The following TNPO2 variants were observed in gnomAD, a reference collection of about 807,000 sequenced individuals.
TNPO2 encodes the protein transportin 2, also known as transportin-2.
Under a neutral mutation model 111.1 loss-of-function variants are expected in TNPO2, and 16 were observed. The ratio of observed to expected loss-of-function variants is 0.14; its 90% CI spans 0.10 to 0.22. The LOEUF (loss-of-function observed/expected upper bound fraction) is 0.22, where lower values mean the gene tolerates loss of function less well. TNPO2 is among the 10% of genes least tolerant of loss of function. The pLI, the probability that TNPO2 is intolerant of heterozygous loss-of-function variation, is 1.00. For missense variants in TNPO2, 530 were observed against 1,173.7 expected, an observed-to-expected ratio of 0.45 and a Z score of 8.01; for synonymous variants, 481 against 475.8, an observed-to-expected ratio of 1.01 and a Z score of -0.14.
chr19:12,706,196 C>T lies in TNPO2; in HGVS notation c.1668G>A (p.Pro556=). The T allele has an allele frequency of 6.2e-7, 1 of 1,612,798 alleles. No homozygotes were observed. The highest frequency in any genetic ancestry group is 8.5e-7 in the Non-Finnish European group (1 of 1,179,558). The change falls in exon 15 of 26, where the codon CCG becomes CCA. Residue 556 remains proline, a splice_region_variant and synonymous_variant. Coordinates refer to ENST00000425528, the MANE Select transcript of TNPO2 (RefSeq NM_001382241.1). The surrounding 1 kb of genome is among the most constrained non-coding windows in gnomAD (Gnocchi z 7.0). ...GGCGGGAGCCGCTCTGGGGTCTCAC[C>T]GGCTGGTTGAGGTGGTGGCCTACAG... ...ADSVGHHLNQ[P]EYIQKLMPPL... is the part of the protein sequence containing the mutation.
intron 3 of TNPO2, 27 bp downstream of exon 3, chr19:12,720,852 C>T (rs751019673): frequency 1.8e-5 from 28 of 1,566,754 alleles, no homozygotes; most frequent in Non-Finnish European, 2.3e-5. Context: ...ACCCGGCTCC[C>T]CCAGCCCCGG....
intron 13 of TNPO2, among the ~76,000 whole-genome samples, chr19:12,707,309 G>A (rs1365355321): frequency 2.0e-5 from 3 of 151,976 alleles, no homozygotes; most frequent in Admixed American, 1.3e-4. Flanking sequence ...AGAGCTCCGT[G>A]TTATTGCGTT....
chr19:12,706,012 C>T lies in TNPO2; in HGVS notation c.1668+184G>A, dbSNP rs1005682447. ...GGTTCCCGAAGCACAGCACTTACCA[C>T]GCTGTCTCATAACTGTCTTTCTCCC... On this transcript the variant is annotated intron_variant, in intron 15 of 25. Coordinates refer to ENST00000425528, the MANE Select transcript of TNPO2 (RefSeq NM_001382241.1). The surrounding 1 kb of genome is among the most constrained non-coding windows in gnomAD (Gnocchi z 7.0). 4.1e-6 allele frequency: 3 copies of T among 730,810 alleles called. No homozygotes were observed. Among genetic ancestry groups the T allele is most frequent in the African/African-American group, 1.8e-5 (1 of 56,140 alleles). 45.3% of individuals were successfully genotyped at this position (730,810 alleles called of 1,614,324 possible).
rs1274605339 is a variant in TNPO2 at position 12,719,402 on chromosome 19, C to T, written c.100-66G>A. On this transcript the variant is annotated intron_variant, in intron 3 of 25. Transcript: ENST00000425528. This position sits in a 1 kb window ranked among gnomAD's most constrained non-coding sequence, Gnocchi z 5.0. The stretch of plus-strand genomic sequence containing the variant: ...CCCAGCCAGGTCCCCTCATTATGTA[C>T]CTGACACTATCTCTGACCACTGGGA... 2.2e-6 allele frequency: 3 copies of T among 1,388,950 alleles called. No individual in the cohort carries two copies. Among genetic ancestry groups the T allele is most frequent in the African/African-American group, 1.4e-5 (1 of 70,024 alleles). 86.0% of individuals were successfully genotyped at this position (1,388,950 alleles called of 1,614,324 possible).
In TNPO2 at chr19:12,705,835, T is replaced by G; in HGVS notation, c.1669-67A>C. On this transcript the variant is annotated intron_variant, in intron 15 of 25. Transcript: ENST00000425528. This position sits in a 1 kb window ranked among gnomAD's most constrained non-coding sequence, Gnocchi z 7.2. ...GGCAGACTGTGACTCAGGTACCTGT[T>G]GCCCGAGTGATGAGGCCTGAGCGCC... The G allele has an allele frequency of 8.4e-7, 1 of 1,183,790 alleles. No homozygotes were observed. The highest frequency in any genetic ancestry group is 1.2e-6 in the Non-Finnish European group (1 of 858,588). The allele number at this position is 1,183,790 out of a possible 1,614,324, so 73.3% of individuals were successfully genotyped here. A position where few individuals can be genotyped will look rare whatever the true frequency, so the allele number is the denominator to read the frequency against.
At chr19:12,707,638 G>A (rs1460815665) in intron 13 of TNPO2, among the ~76,000 whole-genome samples, 2 of 150,834 alleles carry the variant, frequency 1.3e-5, no homozygotes, top group East Asian at 2.0e-4. Context: ...GCAGGCGCCC[G>A]CCACCATACC....
chr19:12,723,886 C>T lies in TNPO2; in HGVS notation c.-248G>A, dbSNP rs1034091471. On this transcript the variant is annotated 5_prime_UTR_variant, in exon 1 of 26. The change creates a new upstream start codon in the 5' untranslated region. Coordinates refer to ENST00000425528, the MANE Select transcript of TNPO2 (RefSeq NM_001382241.1). Reference sequence around the variant, plus strand: ...TCCACTCGGAGAATCGCGGAAGACACCCTAAAGGAGCAGTTGGGATTCCGA... The same window carrying T: ...TCCACTCGGAGAATCGCGGAAGACATCCTAAAGGAGCAGTTGGGATTCCGA... 1 of 152,204 alleles carries T rather than the reference C, an allele frequency of 6.6e-6. No homozygotes were observed. The highest frequency in any genetic ancestry group is 2.1e-4 in the South Asian group (1 of 4,834). 9.4% of individuals were successfully genotyped at this position (152,204 alleles called of 1,614,324 possible).
rs1324641253 is a variant in TNPO2 at position 12,702,958 on chromosome 19, C to T, written c.2210-40G>A. On this transcript the variant is annotated intron_variant, in intron 20 of 25. Coordinates refer to ENST00000425528, the MANE Select transcript of TNPO2 (RefSeq NM_001382241.1). This position sits in a 1 kb window ranked among gnomAD's most constrained non-coding sequence, Gnocchi z 5.5. Reference sequence around the variant, plus strand: ...AGTCAGAGCCCTGCACAGCCCCCGCCACCCACAGGGGCCAGGGGGCCGCCC... The same window carrying T: ...AGTCAGAGCCCTGCACAGCCCCCGCTACCCACAGGGGCCAGGGGGCCGCCC... The T allele has an allele frequency of 1.9e-6, 3 of 1,586,694 alleles. No individual in the cohort carries two copies. Among genetic ancestry groups the T allele is most frequent in the Admixed American group, 3.4e-5 (2 of 59,606 alleles).
intron 3 of TNPO2, among the ~76,000 whole-genome samples, chr19:12,720,046 T>A (rs2026588331): frequency 6.6e-6 from 1 of 151,990 alleles, no homozygotes; most frequent in Non-Finnish European, 1.5e-5. Context: ...AGACAGAGTC[T>A]CACTCTGTCA....
At position 12,705,532 on chromosome 19, in the gene TNPO2, C is replaced by T; in HGVS notation, c.1823G>A (p.Arg608His). The T allele has an allele frequency of 6.2e-7, 1 of 1,604,214 alleles. No individual in the cohort carries two copies. Among genetic ancestry groups the T allele is most frequent in the South Asian group, 1.1e-5 (1 of 88,906 alleles). ...FLPYCEPVYQ[R>H]CVTLVQKTLA... ...TGTCTTCTGCACCAGGGTGACACAG[C>T]GCTGGTAGACGGGCTCACAGTAAGG... Residue 608 changes from arginine to histidine, a missense_variant, in exon 17 of 26, where the codon CGC becomes CAC. Coordinates refer to ENST00000425528, the MANE Select transcript of TNPO2 (RefSeq NM_001382241.1). This position sits in a 1 kb window ranked among gnomAD's most constrained non-coding sequence, Gnocchi z 7.2.
Position 12,719,478 on chromosome 19 carries a change from C to CA in TNPO2, c.100-143dup. 1 of 714,532 alleles carries CA rather than the reference C, an allele frequency of 1.4e-6. No individual in the cohort carries two copies. 44.3% of individuals were successfully genotyped at this position (714,532 alleles called of 1,614,324 possible). ...CCGCTCCCTAATAAGCCCACAATGA[C>CA]ACAGAGCACCTCAGACACGTCAAAT... On this transcript the variant is annotated intron_variant, in intron 3 of 25. Transcript: ENST00000425528. The surrounding 1 kb of genome is among the most constrained non-coding windows in gnomAD (Gnocchi z 5.0).
chr19:12,711,262 C>T, intron 12 of TNPO2, 34 bp downstream of exon 12: 1 of 1,603,176 alleles, frequency 6.2e-7, no homozygotes. Flanking sequence ...CAGGGCTTGC[C>T]ACCCCACCAC....
intron 5 of TNPO2, among the ~76,000 whole-genome samples, chr19:12,717,540 G>C (rs1000007871): frequency 6.6e-6 from 1 of 151,814 alleles, no homozygotes; most frequent in Non-Finnish European, 1.5e-5. Flanking sequence ...CCAAGGTGCT[G>C]GGATTAGAGG....
rs2025371131 is a variant in TNPO2 at position 12,702,392 on chromosome 19, T to TG, written c.2306-216_2306-215insC. On this transcript the variant is annotated intron_variant, in intron 21 of 25. Transcript: ENST00000425528. This position sits in a 1 kb window ranked among gnomAD's most constrained non-coding sequence, Gnocchi z 5.5. Reference sequence around the variant, plus strand: ...TTCCTTTCCCTTTCCTTTTTGTTTTTTTTTGTTTTGTTTTGTTTTTGAGAT... The same window carrying TG: ...TTCCTTTCCCTTTCCTTTTTGTTTTTGTTTTGTTTTGTTTTGTTTTTGAGAT... 1.5e-6 allele frequency: 1 copy of TG among 684,798 alleles called. No homozygotes were observed. The highest frequency in any genetic ancestry group is 1.8e-5 in the African/African-American group (1 of 56,172). The allele number at this position is 684,798 out of a possible 1,614,324, so 42.4% of individuals were successfully genotyped here.
intron 5 of TNPO2, among the ~76,000 whole-genome samples, chr19:12,717,331 G>A (rs534395840): frequency 2.0e-5 from 3 of 148,714 alleles, no homozygotes; most frequent in African/African-American, 7.6e-5. Context: ...GAGTGCAGTG[G>A]CACAATCTTG....
At position 12,706,483 on chromosome 19, in the gene TNPO2, T is replaced by A; in HGVS notation, c.1496+87A>T. ...CCAGTACGAATACGCGATAAATCAG[T>A]TCCACATCAACAGTCACAGGTGTCA... On this transcript the variant is annotated intron_variant, in intron 14 of 25. Coordinates refer to ENST00000425528, the MANE Select transcript of TNPO2 (RefSeq NM_001382241.1). This position sits in a 1 kb window ranked among gnomAD's most constrained non-coding sequence, Gnocchi z 7.0. 1 of 1,573,074 alleles carries A rather than the reference T, an allele frequency of 6.4e-7. No homozygotes were observed. Among genetic ancestry groups the A allele is most frequent in the Non-Finnish European group, 8.7e-7 (1 of 1,143,694 alleles).
rs1290726044 is a variant in TNPO2 at position 12,719,660 on chromosome 19, T to C, written c.100-324A>G. Among the ~76,000 whole-genome samples the C allele has an allele frequency of 2.0e-5, 3 of 152,036 alleles. No homozygotes were observed. Among genetic ancestry groups the C allele is most frequent in the Non-Finnish European group, 4.4e-5 (3 of 68,008 alleles). On this transcript the variant is annotated intron_variant, in intron 3 of 25. Coordinates refer to ENST00000425528, the MANE Select transcript of TNPO2 (RefSeq NM_001382241.1). This position sits in a 1 kb window ranked among gnomAD's most constrained non-coding sequence, Gnocchi z 5.0. Reference sequence around the variant, plus strand: ...AACATACAAAAAAATTATCCGGGCATGATGTGTGCGTGCCTCTATTCCCAA... The same window carrying C: ...AACATACAAAAAAATTATCCGGGCACGATGTGTGCGTGCCTCTATTCCCAA...
At chr19:12,712,141 G>A (rs2145558139) in intron 10 of TNPO2, among the ~76,000 whole-genome samples, 1 of 152,308 alleles carries the variant, frequency 6.6e-6, no homozygotes, top group South Asian at 2.1e-4. Flanking sequence ...GAGCTGAGGG[G>A]ACATAGTGAG....
At chr19:12,712,017 T>A (rs991253996) in intron 10 of TNPO2, among the ~76,000 whole-genome samples, 6 of 152,272 alleles carry the variant, frequency 3.9e-5, no homozygotes, top group Admixed American at 3.9e-4. Flanking sequence ...TTAGATATGA[T>A]TATATATGAA....
Sources: allele counts gnomAD v4.1 joint callset (sites outside exome capture counted in the v4.1 genomes callset), GRCh38; gene constraint gnomAD v4.1.1; non-coding constraint Gnocchi (gnomAD v3.1); transcripts MANE v1.5; gene names NCBI Gene and HGNC (gene_info 2026-07-23, HGNC 2026-07-21).